NR3C2: variants seen among roughly 807,000 people sequenced by gnomAD.
NR3C2 encodes nuclear receptor subfamily 3 group C member 2, also known as mineralocorticoid receptor.
NR3C2 carries 15 observed loss-of-function variants against 86.4 expected under a neutral mutation model. That is an observed-to-expected ratio of 0.17 (90% CI 0.12 to 0.27). The LOEUF (loss-of-function observed/expected upper bound fraction) is 0.27. NR3C2 is among the 10% of genes least tolerant of loss of function. The probability of loss-of-function intolerance (pLI) is 1.00; values close to 1 mark genes in which losing one functional copy is unlikely to be tolerated. For synonymous variants in NR3C2, 458 were observed against 450.5 expected, an observed-to-expected ratio of 1.02 and a Z score of -0.21; for missense variants, 960 against 1,195.6, an observed-to-expected ratio of 0.80 and a Z score of 2.91.
At chr4:148,154,116 C>A (rs1266797655) in intron 5 of NR3C2, among the ~76,000 whole-genome samples, 1 of 151,562 alleles carries the variant, frequency 6.6e-6, no homozygotes, top group African/African-American at 2.4e-5. Flanking sequence ...TCAAGCGATT[C>A]TCCTGCCTCA....
At chr4:148,186,041 T>C (rs900461883) in intron 4 of NR3C2, among the ~76,000 whole-genome samples, 1 of 152,188 alleles carries the variant, frequency 6.6e-6, no homozygotes, top group African/African-American at 2.4e-5. Flanking sequence ...AATAGCCAAA[T>C]TGCTCTCCAT....
chr4:148,227,178 G>A (rs1017344882), intron 3 of NR3C2, among the ~76,000 whole-genome samples: 1 of 152,080 alleles, frequency 6.6e-6, no homozygotes, highest in Non-Finnish European at 1.5e-5. Flanking sequence ...GTCTCCAACC[G>A]ACAGTCTCTC....
intron 1 of NR3C2, among the ~76,000 whole-genome samples, chr4:148,440,343 A>G (rs1750275201): frequency 6.6e-6 from 1 of 152,250 alleles, no homozygotes; most frequent in African/African-American, 2.4e-5. Context: ...TGCAACTGGC[A>G]CAATGACCAT....
rs1448734615 is a variant in NR3C2, at chr4:148,399,317, C to T, written c.1757+35787G>A. On this transcript the variant is annotated intron_variant, in intron 2 of 8. Transcript: ENST00000358102. ...AACATAATATTCCACTGAATACTGT[C>T]ATAATTTACTATATTATCATTCACA... Among the ~76,000 whole-genome samples the T allele has an allele frequency of 2.6e-5, 4 of 152,134 alleles. No individual in the cohort carries two copies. In the South Asian group the frequency reaches 6.2e-4, roughly 24 times the overall value.
intron 1 of NR3C2, among the ~76,000 whole-genome samples, chr4:148,441,260 A>T (rs1750325101): frequency 6.6e-6 from 1 of 152,212 alleles, no homozygotes; most frequent in Non-Finnish European, 1.5e-5. Context: ...TTCTCCTCTC[A>T]AGCTTTTCCA....
chr4:148,361,801 G>A (rs1745850088), intron 2 of NR3C2, among the ~76,000 whole-genome samples: 1 of 149,502 alleles, frequency 6.7e-6, no homozygotes, highest in Non-Finnish European at 1.5e-5. Context: ...AAAATTGAGG[G>A]ACATAACCAG....
intron 3 of NR3C2, among the ~76,000 whole-genome samples, chr4:148,248,659 T>C (rs1410523521): frequency 1.3e-5 from 2 of 152,136 alleles, no homozygotes; most frequent in African/African-American, 2.4e-5. Context: ...TCATAAACAA[T>C]AGAGATCTAC....
chr4:148,182,170 T>C (rs1381366386), intron 4 of NR3C2, among the ~76,000 whole-genome samples: 2 of 152,246 alleles, frequency 1.3e-5, no homozygotes, highest in Non-Finnish European at 2.9e-5. Flanking sequence ...TTTGCTTTGC[T>C]AAGAAAACAG....
chr4:148,418,954 C>T (rs1322586162), intron 2 of NR3C2, among the ~76,000 whole-genome samples: 1 of 152,198 alleles, frequency 6.6e-6, no homozygotes, highest in Non-Finnish European at 1.5e-5. Flanking sequence ...ATTACTCTGA[C>T]TCCTGATAAT....
chr4:148,413,018 C>T (rs1435551232), intron 2 of NR3C2, among the ~76,000 whole-genome samples: 1 of 152,202 alleles, frequency 6.6e-6, no homozygotes, highest in African/African-American at 2.4e-5. Context: ...CAATGAATAA[C>T]TGATCAAAAC....
intron 2 of NR3C2, among the ~76,000 whole-genome samples, chr4:148,332,709 C>T (rs1283572322): frequency 3.3e-5 from 5 of 152,180 alleles, no homozygotes; most frequent in Non-Finnish European, 7.3e-5. Flanking sequence ...CACCAAGATA[C>T]TGGTGTTACA....
At chr4:148,267,877 C>T (rs904867047) in intron 2 of NR3C2, among the ~76,000 whole-genome samples, 3 of 151,086 alleles carry the variant, frequency 2.0e-5, no homozygotes, top group Non-Finnish European at 4.4e-5. Context: ...TTAAAACATA[C>T]TTTAAAAAGC....
intron 3 of NR3C2, among the ~76,000 whole-genome samples, chr4:148,227,072 A>T (rs980609972): frequency 6.6e-6 from 1 of 152,214 alleles, no homozygotes; most frequent in Non-Finnish European, 1.5e-5. Flanking sequence ...TCACTGAATT[A>T]TAATTCAATA....
intron 2 of NR3C2, among the ~76,000 whole-genome samples, chr4:148,307,135 G>A (rs1429610956): frequency 2.0e-5 from 3 of 149,600 alleles, no homozygotes; most frequent in Non-Finnish European, 3.0e-5. Flanking sequence ...CACTAAGAGA[G>A]TTAGCTATTA....
chr4:148,247,704 G>A (rs1023562661), intron 3 of NR3C2, among the ~76,000 whole-genome samples: 2 of 151,728 alleles, frequency 1.3e-5, no homozygotes, highest in Admixed American at 1.3e-4. Context: ...CACAGCTGTT[G>A]CTGAATTGAA....
At chr4:148,108,473 C>T (rs1731904016) in intron 8 of NR3C2, among the ~76,000 whole-genome samples, 1 of 152,186 alleles carries the variant, frequency 6.6e-6, no homozygotes, top group Non-Finnish European at 1.5e-5. Flanking sequence ...GTAGTATTTT[C>T]TGTACCACCA....
intron 2 of NR3C2, among the ~76,000 whole-genome samples, chr4:148,300,851 C>A (rs1454572386): frequency 6.6e-6 from 1 of 152,156 alleles, no homozygotes; most frequent in Admixed American, 6.5e-5. Flanking sequence ...GGATTACAGG[C>A]ATGAGCCACC....
intron 4 of NR3C2, among the ~76,000 whole-genome samples, chr4:148,165,634 G>C (rs1045281819): frequency 6.6e-6 from 1 of 152,016 alleles, no homozygotes; most frequent in Non-Finnish European, 1.5e-5. Flanking sequence ...AGAAAACTGT[G>C]TTTTACTCAA....
intron 2 of NR3C2, among the ~76,000 whole-genome samples, chr4:148,426,319 G>C (rs559907698): frequency 6.6e-6 from 1 of 152,190 alleles, no homozygotes; most frequent in African/African-American, 2.4e-5. Flanking sequence ...TTCTATTCCT[G>C]GTCTTCCCAA....
Sources: gnomAD v4.1 joint callset for allele counts (sites outside exome capture counted in the v4.1 genomes callset) on GRCh38, gnomAD v4.1.1 for gene constraint, MANE v1.5 for transcripts, NCBI Gene and HGNC (gene_info 2026-07-23, HGNC 2026-07-21) for gene names.